Variants in FBRSL1 observed in about 807,000 individuals in gnomAD.
The protein encoded by FBRSL1 is fibrosin-1-like protein.
A neutral mutation model predicts 89.6 loss-of-function variants in FBRSL1; 51 were observed. The observed-to-expected ratio is 0.57, with a 90% CI of 0.45 to 0.72. The LOEUF (loss-of-function observed/expected upper bound fraction) is 0.72, where lower values mean the gene tolerates loss of function less well. FBRSL1 is among the 30% of genes least tolerant of loss of function. The probability of loss-of-function intolerance (pLI) is 0.00; values close to 1 mark genes in which losing one functional copy is unlikely to be tolerated. For synonymous variants in FBRSL1, 779 were observed against 681.1 expected (o/e 1.14, Z -2.24); for missense variants, 1,618 against 1,451.8 (o/e 1.11, Z -1.86).
At chr12:132,575,968 G>T (rs529027523) in intron 14 of FBRSL1, among the ~76,000 whole-genome samples, 4 of 152,244 alleles carry the variant, frequency 2.6e-5, no homozygotes, top group African/African-American at 9.6e-5. Flanking sequence ...CTGCTCCCAT[G>T]GGAGGGCATG....
chr12:132,546,874 G>A lies in FBRSL1; in HGVS notation c.616-1129G>A, dbSNP rs1200044449. ...TTCACACCGTACTGTGAGCTCCGTC[G>A]CTGAACACTCGGCAGCCGCGGCTGC... On this transcript the variant is annotated intron_variant, in intron 4 of 18. Coordinates refer to ENST00000680143, the MANE Select transcript of FBRSL1 (RefSeq NM_001367871.1). This position sits in a 1 kb window ranked among gnomAD's most constrained non-coding sequence, Gnocchi z 4.0. Among the ~76,000 whole-genome samples, 2 of 152,230 alleles carry A rather than the reference G, an allele frequency of 1.3e-5. No individual in the cohort carries two copies. The highest frequency in any genetic ancestry group is 4.8e-5 in the African/African-American group (2 of 41,470).
intron 5 of FBRSL1, among the ~76,000 whole-genome samples, chr12:132,558,409 G>C (rs967111687): frequency 1.4e-4 from 21 of 152,362 alleles, no homozygotes; most frequent in Middle Eastern, 3.4e-3. Flanking sequence ...CAGAGTACAG[G>C]CTTCAGGGCC....
intron 2 of FBRSL1, among the ~76,000 whole-genome samples, chr12:132,518,021 C>T (rs1566130356): frequency 6.6e-6 from 1 of 152,126 alleles, no homozygotes; most frequent in Non-Finnish European, 1.5e-5. Flanking sequence ...GCGGCACACA[C>T]CTGCTGGAGT....
At position 132,564,742 on chromosome 12, in the gene FBRSL1, T is replaced by A. The variant is rs939048282; in HGVS notation, c.646-2739T>A. ...GATCTCCTGACCTCGTGATCCGCCC[T>A]CCTCGGCCTCCCGAGTAGCTGGGAC... On this transcript the variant is annotated intron_variant, in intron 5 of 18. Transcript: ENST00000680143. 1.4e-4 allele frequency among the ~76,000 whole-genome samples: 6 copies of A among 42,700 alleles called. 2 individuals carry two copies. The highest frequency in any genetic ancestry group is 2.3e-4 in the Non-Finnish European group (6 of 26,502). 28.0% of individuals were successfully genotyped at this position (42,700 alleles called of 152,430 possible).
rs191994015 is a variant in FBRSL1 at position 132,557,683 on chromosome 12, T to C, written c.645+9651T>C. Reference sequence around the variant, plus strand: ...GGTCCCAAGAGAGGAGCCGGCCACATTGAGACTGGCCGTAGCCCAATTGGA... The same window carrying C: ...GGTCCCAAGAGAGGAGCCGGCCACACTGAGACTGGCCGTAGCCCAATTGGA... On this transcript the variant is annotated intron_variant, in intron 5 of 18. Transcript: ENST00000680143. Among the ~76,000 whole-genome samples, 254 of 152,314 alleles carry C rather than the reference T, an allele frequency of 1.7e-3. 1 individual carries two copies. Among genetic ancestry groups the C allele is most frequent in the African/African-American group, 5.8e-3 (241 of 41,566 alleles).
intron 15 of FBRSL1, among the ~76,000 whole-genome samples, chr12:132,578,780 T>C (rs971230420): frequency 6.6e-6 from 1 of 151,664 alleles, no homozygotes; most frequent in Non-Finnish European, 1.5e-5. Context: ...GAGCATTTGA[T>C]GGCACGTTGC....
At chr12:132,575,451 T>A in intron 14 of FBRSL1, among the ~76,000 whole-genome samples, 1 of 152,172 alleles carries the variant, frequency 6.6e-6, no homozygotes. Context: ...ATGGTCTCAA[T>A]CTCTTGGCCT....
intron 5 of FBRSL1, chr12:132,551,570 G>A (rs1486879407): frequency 4.4e-6 from 2 of 456,178 alleles, no homozygotes. Context: ...TTGGTTTGGG[G>A]TGCCAGCTCC....
intron 4 of FBRSL1, among the ~76,000 whole-genome samples, chr12:132,536,177 GGT>G (rs1206470160): frequency 2.8e-5 from 4 of 142,262 alleles, no homozygotes; most frequent in Non-Finnish European, 6.0e-5. Flanking sequence ...TGTACACGAT[GGT>G]GTGTGAGTGC....
intron 15 of FBRSL1, among the ~76,000 whole-genome samples, chr12:132,578,341 T>TCACACACACACACACACACACACA (rs547551851): frequency 0.014 from 399 of 28,594 alleles, 1 homozygote; most frequent in Admixed American, 0.03. Context: ...CAAGACCCTG[T>TCACACACACACACACACACACACA]CTCACACACA....
intron 2 of FBRSL1, among the ~76,000 whole-genome samples, chr12:132,513,573 C>T (rs1012597359): frequency 6.6e-6 from 1 of 152,196 alleles, no homozygotes; most frequent in Non-Finnish European, 1.5e-5. Context: ...GGCCTCTGCC[C>T]ACCTTGTTGT....
At position 132,583,738 on chromosome 12, in the gene FBRSL1, A is replaced by G. The variant is rs2040960757; in HGVS notation, c.2969A>G (p.Tyr990Cys). 1.4e-5 allele frequency: 17 copies of G among 1,211,526 alleles called. No homozygotes were observed. The highest frequency in any genetic ancestry group is 1.7e-5 in the Non-Finnish European group (17 of 975,308). 75.0% of individuals were successfully genotyped at this position (1,211,526 alleles called of 1,614,324 possible). ...GGLGPGEARD[Y>C]SPSRNPPEVE... ...CTCGGGCCGGGCGAGGCGCGCGACT[A>G]CTCCCCGTCCCGAAATCCCCCGGAG... Residue 990 changes from tyrosine (Y) to cysteine (C), a missense_variant, in exon 19 of 19, where the codon TAC becomes TGC. Coordinates refer to ENST00000680143, the MANE Select transcript of FBRSL1 (RefSeq NM_001367871.1).
chr12:132,560,101 G>C (rs1307978801), intron 5 of FBRSL1: 3 of 151,572 alleles, frequency 2.0e-5, no homozygotes, highest in African/African-American at 7.3e-5. Context: ...AGCTCCGGCT[G>C]AGCAGGGCAC....
intron 4 of FBRSL1, among the ~76,000 whole-genome samples, chr12:132,536,448 G>C (rs2036752464): frequency 6.6e-6 from 1 of 151,872 alleles, no homozygotes; most frequent in South Asian, 2.1e-4. Context: ...ATGACTGTGA[G>C]TGCATGTGTA....
chr12:132,567,486 C>T lies in FBRSL1; in HGVS notation c.651C>T (p.Ser217=), dbSNP rs377615289. 19 of 1,551,026 alleles carry T rather than the reference C, an allele frequency of 1.2e-5. No homozygotes were observed. The highest frequency in any genetic ancestry group is 1.1e-4 in the African/African-American group (8 of 73,034). The change falls in exon 6 of 19, where the codon TCC becomes TCT. Residue 217 remains serine, a synonymous_variant. Transcript: ENST00000680143. ...CCCCCCTTCTCTCTCTCCAGGCATC[C>T]GTGGGCTCTGAGAAGCTCTTTGCGC... ...DSESGPDDKA[S]VGSEKLFAPG...
chr12:132,567,584 C>A, intron 6 of FBRSL1, 58 bp downstream of exon 6: 1 of 1,503,008 alleles, frequency 6.7e-7, no homozygotes, highest in Non-Finnish European at 9.1e-7. Flanking sequence ...ATGCGCCCTG[C>A]GTCTTGGCGG....
chr12:132,496,079 C>CCGCGTGCCTGCACCTCCG (rs2031973684), intron 1 of FBRSL1, among the ~76,000 whole-genome samples: 1 of 152,380 alleles, frequency 6.6e-6, no homozygotes, highest in African/African-American at 2.4e-5. Flanking sequence ...CGTGGCTACG[C>CCGCGTGCCTGCACCTCCG]CGCGTGCCTG....
chr12:132,543,639 T>C (rs915591016), intron 4 of FBRSL1, among the ~76,000 whole-genome samples: 1 of 131,330 alleles, frequency 7.6e-6, no homozygotes, highest in Admixed American at 7.2e-5. Context: ...ACCCAGCTTG[T>C]GGCTCTAAAA....
chr12:132,491,235 G>C (rs528709494), intron 1 of FBRSL1, among the ~76,000 whole-genome samples: 13 of 152,218 alleles, frequency 8.5e-5, no homozygotes, highest in Non-Finnish European at 1.6e-4. Context: ...ATCTTAGGGA[G>C]GTGGTGATAA....
Sources: gnomAD v4.1 joint callset for allele counts (sites outside exome capture counted in the v4.1 genomes callset) on GRCh38, gnomAD v4.1.1 for gene constraint, Gnocchi (gnomAD v3.1) non-coding constraint, MANE v1.5 for transcripts, NCBI Gene and HGNC (gene_info 2026-07-23, HGNC 2026-07-21) for gene names.